CEP128: variants seen among roughly 807,000 people sequenced by gnomAD.
The protein encoded by CEP128 is centrosomal protein 128kDa.
In CEP128, 132 loss-of-function variants were observed where a neutral mutation model predicts 156.7. The ratio of observed to expected loss-of-function variants is 0.84; its 90% CI spans 0.73 to 0.97. CEP128 has a LOEUF of 0.97. CEP128 is among the 50% of genes least tolerant of loss of function. The probability of loss-of-function intolerance (pLI) is 0.00; values close to 1 mark genes in which losing one functional copy is unlikely to be tolerated. For synonymous variants in CEP128, 469 were observed against 448.9 expected (o/e 1.04, Z -0.57); for missense variants, 1,252 against 1,281.9 (o/e 0.98, Z 0.36).
chr14:80,580,319 G>C, intron 20 of CEP128, 55 bp downstream of exon 20: 1 of 1,110,368 alleles, frequency 9.0e-7, no homozygotes, highest in South Asian at 1.3e-5. Context: ...AAGGATAAAA[G>C]AGTAAAAAAC....
At chr14:80,874,640 C>G (rs750247501) in intron 8 of CEP128, among the ~76,000 whole-genome samples, 1 of 152,058 alleles carries the variant, frequency 6.6e-6, no homozygotes, top group Admixed American at 6.6e-5. Flanking sequence ...GTTTCTGAGA[C>G]GGAGTCTCGC....
rs151175121 is a variant in CEP128, at chr14:80,825,244, A to G, written c.1209+5899T>C. Among the ~76,000 whole-genome samples, 829 of 152,320 alleles carry G rather than the reference A, an allele frequency of 5.4e-3. 5 individuals are homozygous for G. Among genetic ancestry groups the G allele is most frequent in the African/African-American group, 0.019 (776 of 41,578 alleles). On this transcript the variant is annotated intron_variant, in intron 13 of 24. Transcript: ENST00000555265. ...CCATATCACCCCCCAAGTAATTGGT[A>G]TTAGAGGCACATGCTACCACACCCA...
chr14:80,703,371 T>G (rs1222623826), intron 19 of CEP128, among the ~76,000 whole-genome samples: 1 of 152,072 alleles, frequency 6.6e-6, no homozygotes, highest in Non-Finnish European at 1.5e-5. Context: ...CTTCAGTTAT[T>G]TAAGACTTTT....
chr14:80,491,793 C>A (rs1887334549), downstream of CEP128, among the ~76,000 whole-genome samples: 1 of 152,184 alleles, frequency 6.6e-6, no homozygotes, highest in South Asian at 2.1e-4. Context: ...TCAAGTTCAA[C>A]AGGACTTCTC....
chr14:80,765,801 T>C (rs1900208206), intron 16 of CEP128, among the ~76,000 whole-genome samples: 3 of 152,154 alleles, frequency 2.0e-5, no homozygotes, highest in Non-Finnish European at 4.4e-5. Flanking sequence ...GCAGACAGAC[T>C]ACATAACTTG....
At chr14:80,683,957 G>C (rs1896424060) in intron 19 of CEP128, among the ~76,000 whole-genome samples, 6 of 151,962 alleles carry the variant, frequency 3.9e-5, no homozygotes, top group Admixed American at 3.9e-4. Context: ...AGCATTAAGA[G>C]GAAAGTTTAT....
At chr14:80,583,203 T>G (rs1891661420) in intron 19 of CEP128, among the ~76,000 whole-genome samples, 1 of 152,224 alleles carries the variant, frequency 6.6e-6, no homozygotes, top group African/African-American at 2.4e-5. Context: ...CCAATGACAA[T>G]GCTTGACTTG....
chr14:80,842,918 C>T (rs1038372041), intron 9 of CEP128, among the ~76,000 whole-genome samples: 50 of 151,884 alleles, frequency 3.3e-4, no homozygotes, highest in African/African-American at 1.1e-3. Context: ...AGAGGGTCCC[C>T]GGGGCACATT....
chr14:80,847,110 T>C (rs901586772), intron 9 of CEP128, among the ~76,000 whole-genome samples: 6 of 152,094 alleles, frequency 3.9e-5, no homozygotes, highest in African/African-American at 1.2e-4. Context: ...TTCTCTTCTA[T>C]AGAAGCTTTG....
At chr14:80,679,576 C>G (rs943224283) in intron 19 of CEP128, among the ~76,000 whole-genome samples, 7 of 152,052 alleles carry the variant, frequency 4.6e-5, no homozygotes, top group East Asian at 1.9e-4. Context: ...GCTCTCAAAC[C>G]CTGTTTCCTG....
intron 2 of CEP128, among the ~76,000 whole-genome samples, chr14:80,946,864 C>T (rs922787877): frequency 1.3e-5 from 2 of 152,088 alleles, no homozygotes; most frequent in African/African-American, 2.4e-5. Flanking sequence ...GGGGGTGGGA[C>T]GTGGTGGGAG....
chr14:80,767,584 A>G (rs1900301589), intron 16 of CEP128, among the ~76,000 whole-genome samples: 1 of 152,096 alleles, frequency 6.6e-6, no homozygotes, highest in African/African-American at 2.4e-5. Context: ...AGGAAGGTGA[A>G]TTCCTAACTC....
chr14:80,522,837 GAC>G (rs750453927), intron 23 of CEP128, among the ~76,000 whole-genome samples: 17 of 152,308 alleles, frequency 1.1e-4, no homozygotes, highest in Non-Finnish European at 2.5e-4. Context: ...TGTCTACCAA[GAC>G]AGAGAAAATG....
At chr14:80,613,932 G>A (rs932823434) in intron 19 of CEP128, among the ~76,000 whole-genome samples, 1 of 152,050 alleles carries the variant, frequency 6.6e-6, no homozygotes, top group Non-Finnish European at 1.5e-5. Context: ...TGTAAAGGAA[G>A]ACATTTAATG....
intron 16 of CEP128, among the ~76,000 whole-genome samples, chr14:80,765,822 A>G (rs1900208802): frequency 6.6e-6 from 1 of 152,202 alleles, no homozygotes; most frequent in Non-Finnish European, 1.5e-5. Context: ...ACTAAAGTGA[A>G]AGAACCTATT....
intron 16 of CEP128, among the ~76,000 whole-genome samples, chr14:80,766,886 T>C (rs1900266486): frequency 1.3e-5 from 2 of 152,074 alleles, no homozygotes. Context: ...TAAAAACGAA[T>C]GCAATTTAAG....
chr14:80,779,993 T>A (rs1177807198), intron 15 of CEP128, among the ~76,000 whole-genome samples: 2 of 152,160 alleles, frequency 1.3e-5, no homozygotes, highest in Non-Finnish European at 2.9e-5. Context: ...AAAAAAAGGC[T>A]CTACAAAATG....
intron 2 of CEP128, among the ~76,000 whole-genome samples, chr14:80,919,357 A>T (rs902516668): frequency 6.6e-6 from 1 of 152,204 alleles, no homozygotes; most frequent in Non-Finnish European, 1.5e-5. Flanking sequence ...ACTAATAAAC[A>T]TGCATGTATC....
intron 19 of CEP128, among the ~76,000 whole-genome samples, chr14:80,668,832 C>T (rs530727567): frequency 6.6e-6 from 1 of 152,030 alleles, no homozygotes; most frequent in East Asian, 1.9e-4. Flanking sequence ...TAGGGGTGAG[C>T]CTTTCCTGTG....
Sources: gnomAD v4.1 joint callset for allele counts (sites outside exome capture counted in the v4.1 genomes callset) on GRCh38, gnomAD v4.1.1 for gene constraint, MANE v1.5 for transcripts, NCBI Gene and HGNC (gene_info 2026-07-23, HGNC 2026-07-21) for gene names.